NCAM1: variants seen among roughly 807,000 people sequenced by gnomAD.
The protein encoded by NCAM1 is neural cell adhesion molecule 1.
NCAM1 carries 14 observed loss-of-function variants against 109.8 expected under a neutral mutation model. That is an observed-to-expected ratio of 0.13 (90% CI 0.08 to 0.20). The LOEUF (loss-of-function observed/expected upper bound fraction) is 0.20, where lower values mean the gene tolerates loss of function less well. NCAM1 is among the 10% of genes least tolerant of loss of function. The pLI, the probability that NCAM1 is intolerant of heterozygous loss-of-function variation, is 1.00. For synonymous variants in NCAM1, 418 were observed against 442.9 expected (o/e 0.94, Z 0.70); for missense variants, 774 against 1,109.9 (o/e 0.70, Z 4.30).
chr11:113,169,862 A>C (rs1197157093), intron 1 of NCAM1, among the ~76,000 whole-genome samples: 2 of 151,986 alleles, frequency 1.3e-5, no homozygotes, highest in African/African-American at 4.8e-5. Context: ...CCTGACCTCA[A>C]GTGATCCTCC....
intron 1 of NCAM1, among the ~76,000 whole-genome samples, chr11:113,065,518 T>C (rs749897715): frequency 2.0e-4 from 30 of 152,188 alleles, no homozygotes; most frequent in Non-Finnish European, 3.8e-4. Flanking sequence ...CCGTTGATAG[T>C]ATGTAGACTT....
intron 1 of NCAM1, among the ~76,000 whole-genome samples, chr11:113,037,946 C>T (rs2135400908): frequency 6.6e-6 from 1 of 152,174 alleles, no homozygotes; most frequent in Non-Finnish European, 1.5e-5. Flanking sequence ...ATTGTCTGGC[C>T]CAGCCTCCAA....
chr11:113,108,923 A>T (rs1940305212), intron 1 of NCAM1, among the ~76,000 whole-genome samples: 1 of 151,088 alleles, frequency 6.6e-6, no homozygotes, highest in Non-Finnish European at 1.5e-5. Flanking sequence ...TTTTTAGTAG[A>T]GGTGGGGTTT....
chr11:113,179,071 A>G (rs1565482260), intron 1 of NCAM1, among the ~76,000 whole-genome samples: 1 of 152,226 alleles, frequency 6.6e-6, no homozygotes, highest in East Asian at 1.9e-4. Context: ...TGGTAGCTTG[A>G]AATTTCACGG....
At chr11:113,231,090 T>C (rs2137224646) in intron 9 of NCAM1, 2 of 1,137,136 alleles carry the variant, frequency 1.8e-6, no homozygotes, top group East Asian at 5.2e-5. Context: ...GGCTTGTTTT[T>C]ACATGTGATT....
chr11:113,066,626 G>T (rs559574781), intron 1 of NCAM1, among the ~76,000 whole-genome samples: 23 of 152,190 alleles, frequency 1.5e-4, no homozygotes, highest in Middle Eastern at 6.8e-3. Context: ...TTTCCCTTGT[G>T]ATTTTACAAG....
intron 9 of NCAM1, among the ~76,000 whole-genome samples, chr11:113,225,267 C>G (rs536257041): frequency 6.6e-6 from 1 of 152,078 alleles, no homozygotes; most frequent in African/African-American, 2.4e-5. Context: ...AACCACGGCA[C>G]GAGAACTACA....
chr11:112,973,432 A>T (rs532290659), intron 1 of NCAM1, among the ~76,000 whole-genome samples: 26 of 152,276 alleles, frequency 1.7e-4, no homozygotes, highest in Middle Eastern at 3.4e-3. Context: ...TGGTTTGGGT[A>T]CATAATTATA....
At chr11:113,050,243 G>A (rs1342910454) in intron 1 of NCAM1, among the ~76,000 whole-genome samples, 3 of 152,290 alleles carry the variant, frequency 2.0e-5, no homozygotes, top group Admixed American at 1.3e-4. Context: ...CAGTACATAG[G>A]AGAATGTTGT....
Position 112,990,851 on chromosome 11 carries a change from G to C in NCAM1, c.52+29187G>C, listed in dbSNP as rs373818307. Among the ~76,000 whole-genome samples, 4 of 152,120 alleles carry C rather than the reference G, an allele frequency of 2.6e-5. No individual in the cohort carries two copies. In the South Asian group the frequency reaches 6.2e-4, roughly 24 times the overall value. On this transcript the variant is annotated intron_variant, in intron 1 of 19. Transcript: ENST00000316851. ...GCTGTCCTATCAAAAGGTTCTCCTAGGCCTTGTGCTCCAATATTTTCTCCA... is the reference window on the plus strand; with the variant it reads ...GCTGTCCTATCAAAAGGTTCTCCTACGCCTTGTGCTCCAATATTTTCTCCA...
chr11:113,207,060 A>C (rs755042234), intron 5 of NCAM1, among the ~76,000 whole-genome samples: 15 of 152,260 alleles, frequency 9.9e-5, no homozygotes, highest in Non-Finnish European at 1.8e-4. Flanking sequence ...ACAAAAATGC[A>C]TGTTTGTAGA....
At chr11:112,998,135 A>G (rs1479159924) in intron 1 of NCAM1, among the ~76,000 whole-genome samples, 1 of 152,248 alleles carries the variant, frequency 6.6e-6, no homozygotes, top group Non-Finnish European at 1.5e-5. Flanking sequence ...AAGTGCTCAT[A>G]CATATGCACA....
At chr11:113,101,634 T>C (rs1939879668) in intron 1 of NCAM1, among the ~76,000 whole-genome samples, 2 of 152,240 alleles carry the variant, frequency 1.3e-5, no homozygotes, top group Non-Finnish European at 2.9e-5. Context: ...TATCTCTTTA[T>C]GTATCAAAGA....
chr11:113,052,889 C>T (rs1460006997), intron 1 of NCAM1, among the ~76,000 whole-genome samples: 1 of 152,154 alleles, frequency 6.6e-6, no homozygotes, highest in Admixed American at 6.5e-5. Flanking sequence ...TGTATTGCTC[C>T]CCTCCCTGTG....
At chr11:113,121,152 G>T (rs570073189) in intron 1 of NCAM1, among the ~76,000 whole-genome samples, 4 of 151,658 alleles carry the variant, frequency 2.6e-5, no homozygotes, top group African/African-American at 9.7e-5. Flanking sequence ...GATTAGGGGG[G>T]TGGCCTCCTT....
chr11:113,254,731 T>C (rs1555122006), intron 15 of NCAM1, among the ~76,000 whole-genome samples: 1 of 152,176 alleles, frequency 6.6e-6, no homozygotes, highest in Non-Finnish European at 1.5e-5. Context: ...TGATTCTGTT[T>C]TCCAGAGAGC....
In NCAM1 at chr11:112,963,047, C is replaced by T. The variant is rs1325670866; in HGVS notation, c.52+1383C>T. 1.3e-5 allele frequency among the ~76,000 whole-genome samples: 2 copies of T among 152,082 alleles called. No individual in the cohort carries two copies. Reference sequence around the variant, plus strand: ...CCGCGGGCGGCACAAGAGCAGCGCTCGGCCGCCGCCTCCAGCCAACTCGGG... The same window carrying T: ...CCGCGGGCGGCACAAGAGCAGCGCTTGGCCGCCGCCTCCAGCCAACTCGGG... On this transcript the variant is annotated intron_variant, in intron 1 of 19. Transcript: ENST00000316851. This position sits in a 1 kb window ranked among gnomAD's most constrained non-coding sequence, Gnocchi z 4.6.
chr11:112,981,987 C>T (rs1661107512), intron 1 of NCAM1, among the ~76,000 whole-genome samples: 1 of 151,776 alleles, frequency 6.6e-6, no homozygotes, highest in Admixed American at 6.6e-5. Flanking sequence ...TTCAGACAGA[C>T]AGCTTATTTT....
intron 1 of NCAM1, among the ~76,000 whole-genome samples, chr11:112,983,345 G>A (rs1951204443): frequency 6.6e-6 from 1 of 151,740 alleles, no homozygotes; most frequent in Admixed American, 6.6e-5. Context: ...CAGGATACCA[G>A]GAGAATTGTA....
Sources: allele counts gnomAD v4.1 joint callset (sites outside exome capture counted in the v4.1 genomes callset), GRCh38; gene constraint gnomAD v4.1.1; non-coding constraint Gnocchi (gnomAD v3.1); transcripts MANE v1.5; gene names NCBI Gene and HGNC (gene_info 2026-07-23, HGNC 2026-07-21).